The following KLF5 variants were observed in gnomAD, a reference collection of about 807,000 sequenced individuals.
The protein encoded by KLF5 is KLF transcription factor 5, also known as Krueppel-like factor 5.
Under a neutral mutation model 36.9 loss-of-function variants are expected in KLF5, and 9 were observed. The observed-to-expected ratio is 0.24, with a 90% CI of 0.15 to 0.43. The LOEUF is 0.43. Among genes scored for constraint, KLF5 ranks in the 20% least tolerant of loss-of-function variants. KLF5 has a pLI of 1.00. For synonymous variants in KLF5, 246 were observed against 241.7 expected (o/e 1.02, Z -0.17); for missense variants, 524 against 599.5 (o/e 0.87, Z 1.31).
intron 1 of KLF5, 131 bp from the exon 2 acceptor site, chr13:73,061,730 A>T: frequency 1.3e-6 from 1 of 756,678 alleles, no homozygotes; most frequent in Admixed American, 2.4e-5. Flanking sequence ...ATATGTTTAT[A>T]AGCAACACTG....
upstream of KLF5, among the ~76,000 whole-genome samples, chr13:73,056,934 G>GT (rs36117211): frequency 0.41 from 61,325 of 149,274 alleles, 13,388 homozygotes; most frequent in South Asian, 0.65. Flanking sequence ...TAGTTGTATG[G>GT]TTTTTTTTTT....
upstream of KLF5, among the ~76,000 whole-genome samples, chr13:73,057,732 TA>T (rs1480751451): frequency 3.3e-5 from 5 of 152,232 alleles, no homozygotes; most frequent in African/African-American, 1.2e-4. Context: ...GTGGTATATG[TA>T]AAACTGTCTA....
intron 3 of KLF5, among the ~76,000 whole-genome samples, chr13:73,065,725 TC>T (rs1459492287): frequency 6.6e-6 from 1 of 152,250 alleles, no homozygotes; most frequent in Non-Finnish European, 1.5e-5. Flanking sequence ...ATTGTTTTTT[TC>T]ACTTTTGGAA....
At chr13:73,063,959 G>T in intron 3 of KLF5, 76 bp downstream of exon 3, 6 of 791,590 alleles carry the variant, frequency 7.6e-6, no homozygotes, top group African/African-American at 1.8e-5. Context: ...AAGCTAACAC[G>T]TGTTTGATCT....
At chr13:73,059,832 T>TG in intron 1 of KLF5, 1 of 946,920 alleles carries the variant, frequency 1.1e-6, no homozygotes, top group African/African-American at 1.8e-5. Context: ...CGGGTCGGCC[T>TG]GGGAGAGGTA....
intron 3 of KLF5, among the ~76,000 whole-genome samples, chr13:73,067,603 G>A (rs2044689419): frequency 2.0e-5 from 3 of 151,730 alleles, no homozygotes; most frequent in Admixed American, 6.6e-5. Flanking sequence ...TTTTTCCCCC[G>A]TTTCAGCTAT....
chr13:73,059,194 C>A lies in KLF5; in HGVS notation c.-134C>A. ...GTGCGCGCCTTCGAAAACTGCCTGC[C>A]GCTGTCTGAGGAGTCCACCCGAAAC... On this transcript the variant is annotated 5_prime_UTR_variant, in exon 1 of 4. Transcript: ENST00000377687. 3 of 801,016 alleles carry A rather than the reference C, an allele frequency of 3.7e-6. No homozygotes were observed. The highest frequency in any genetic ancestry group is 5.1e-6 in the Non-Finnish European group (3 of 591,184). 49.6% of individuals were successfully genotyped at this position (801,016 alleles called of 1,614,324 possible). A position where few individuals can be genotyped will look rare whatever the true frequency, so the allele number is the denominator to read the frequency against.
intron 3 of KLF5, among the ~76,000 whole-genome samples, chr13:73,070,409 C>T (rs2044714240): frequency 6.6e-6 from 1 of 152,048 alleles, no homozygotes; most frequent in South Asian, 2.1e-4. Context: ...GTGCGAACTC[C>T]CATTATAAGA....
At chr13:73,056,816 CA>C, upstream of KLF5, among the ~76,000 whole-genome samples, 1 of 151,628 alleles carries the variant, frequency 6.6e-6, no homozygotes, top group African/African-American at 2.4e-5. Flanking sequence ...TGTATTGGAG[CA>C]AAAAGGAATA....
chr13:73,060,268 C>A (rs1157990542), intron 1 of KLF5, among the ~76,000 whole-genome samples: 3 of 151,836 alleles, frequency 2.0e-5, no homozygotes, highest in Non-Finnish European at 4.4e-5. Context: ...ACTTGCCCAG[C>A]AGCCGAATTA....
chr13:73,066,082 T>C (rs2044677430), intron 3 of KLF5, among the ~76,000 whole-genome samples: 1 of 152,206 alleles, frequency 6.6e-6, no homozygotes. Flanking sequence ...AATGAGAACA[T>C]GTAATCCAGT....
At chr13:73,075,194 G>GC (rs2044750529) in intron 3 of KLF5, 1 of 152,232 alleles carries the variant, frequency 6.6e-6, no homozygotes, top group Non-Finnish European at 1.5e-5. Flanking sequence ...TCTAGGACCA[G>GC]TTTCTGGTTA....
chr13:73,073,295 G>C (rs2044735494), intron 3 of KLF5, among the ~76,000 whole-genome samples: 1 of 152,198 alleles, frequency 6.6e-6, no homozygotes, highest in Admixed American at 6.5e-5. Flanking sequence ...CAAGTGGGGG[G>C]ATAGTTGTCC....
chr13:73,066,780 C>T (rs112094572), intron 3 of KLF5, among the ~76,000 whole-genome samples: 3 of 152,192 alleles, frequency 2.0e-5, no homozygotes, highest in African/African-American at 7.2e-5. Context: ...GTTTCTTAAA[C>T]CAGAAGTATA....
chr13:73,067,787 G>C (rs1211444099), intron 3 of KLF5, among the ~76,000 whole-genome samples: 2 of 151,780 alleles, frequency 1.3e-5, no homozygotes, highest in Non-Finnish European at 2.9e-5. Flanking sequence ...AAACACGCCC[G>C]TAGGAGAAAA....
Position 73,059,124 on chromosome 13 carries a change from G to A in KLF5, c.-204G>A, listed in dbSNP as rs2139099395. ...GGCGGGAGAAAGTGGCCGCCCGGAG[G>A]ACGTTGGCGTTTACGTGTGGAAGAG... On this transcript the variant is annotated 5_prime_UTR_variant, in exon 1 of 4. Transcript: ENST00000377687. 2.4e-6 allele frequency: 1 copy of A among 420,504 alleles called. No individual in the cohort carries two copies. Among genetic ancestry groups the A allele is most frequent in the South Asian group, 9.3e-5 (1 of 10,722 alleles). 26.0% of individuals were successfully genotyped at this position (420,504 alleles called of 1,614,324 possible).
chr13:73,064,517 C>T (rs75077132), intron 3 of KLF5, among the ~76,000 whole-genome samples: 26 of 152,262 alleles, frequency 1.7e-4, no homozygotes, highest in African/African-American at 6.0e-4. Context: ...TTTAGCTCCT[C>T]TACTTTTGTA....
At chr13:73,072,219 CAG>C (rs1371477027) in intron 3 of KLF5, among the ~76,000 whole-genome samples, 1 of 137,660 alleles carries the variant, frequency 7.3e-6, no homozygotes, top group African/African-American at 2.6e-5. Context: ...AGAAGTCATT[CAG>C]AGGGGGGAAA....
At chr13:73,059,779 G>GT (rs908847095) in intron 1 of KLF5, 191 bp downstream of exon 1, 1 of 740,608 alleles carries the variant, frequency 1.4e-6, no homozygotes, top group Non-Finnish European at 1.7e-6. Context: ...GTAAATGGGG[G>GT]GGGGGGCCGG....
Sources: allele counts gnomAD v4.1 joint callset (sites outside exome capture counted in the v4.1 genomes callset), GRCh38; gene constraint gnomAD v4.1.1; transcripts MANE v1.5; gene names NCBI Gene and HGNC (gene_info 2026-07-23, HGNC 2026-07-21).